NRG1: variants seen among roughly 807,000 people sequenced by gnomAD.
NRG1 encodes neuregulin 1.
A neutral mutation model predicts 63.8 loss-of-function variants in NRG1; 18 were observed. The observed-to-expected ratio is 0.28, with a 90% confidence interval of 0.19 to 0.42. The LOEUF (loss-of-function observed/expected upper bound fraction) is 0.42, where lower values mean the gene tolerates loss of function less well. Among genes scored for constraint, NRG1 ranks in the 10% least tolerant of loss-of-function variants. The pLI, the probability that NRG1 is intolerant of heterozygous loss-of-function variation, is 1.00. For missense variants in NRG1, 762 were observed against 814.7 expected (o/e 0.94, Z 0.79); for synonymous variants, 302 against 301.3 (o/e 1.00, Z -0.02).
At chr8:32,670,235 A>T (rs1044031789) in intron 5 of NRG1, among the ~76,000 whole-genome samples, 5 of 152,168 alleles carry the variant, frequency 3.3e-5, no homozygotes. Flanking sequence ...TTAAGTGCAG[A>T]TGTATTTAGG....
intron 1 of NRG1, among the ~76,000 whole-genome samples, chr8:32,491,682 C>T (rs1162214060): frequency 6.6e-6 from 1 of 152,194 alleles, no homozygotes; most frequent in Non-Finnish European, 1.5e-5. Flanking sequence ...TAGTTGGCTC[C>T]AAGAATGTCT....
intron 1 of NRG1, among the ~76,000 whole-genome samples, chr8:32,201,172 T>C (rs971460137): frequency 6.6e-5 from 10 of 152,220 alleles, no homozygotes; most frequent in African/African-American, 2.2e-4. Flanking sequence ...TTCCAAAATA[T>C]TGTTATAATT....
chr8:32,299,120 T>C (rs999703753), intron 1 of NRG1, among the ~76,000 whole-genome samples: 1 of 152,028 alleles, frequency 6.6e-6, no homozygotes, highest in Non-Finnish European at 1.5e-5. Context: ...CCTTAACATT[T>C]AAACAAGGGA....
At chr8:32,082,200 T>TG (rs1467068828) in intron 1 of NRG1, among the ~76,000 whole-genome samples, 2 of 12,826 alleles carry the variant, frequency 1.6e-4, no homozygotes, top group East Asian at 7.5e-3. Context: ...TTCAACCTAG[T>TG]GGTTTTTTTT....
intron 1 of NRG1, among the ~76,000 whole-genome samples, chr8:32,027,857 T>G (rs1179305046): frequency 6.6e-6 from 1 of 152,148 alleles, no homozygotes; most frequent in Non-Finnish European, 1.5e-5. Context: ...TTCTTGAATC[T>G]TCACTCTCTT....
chr8:31,733,021 T>C (rs553100905), intron 1 of NRG1, among the ~76,000 whole-genome samples: 1 of 152,336 alleles, frequency 6.6e-6, no homozygotes, highest in South Asian at 2.1e-4. Flanking sequence ...TCCATGTGTA[T>C]GCATTATTTA....
At chr8:32,620,398 T>C (rs1289423834) in intron 5 of NRG1, among the ~76,000 whole-genome samples, 7 of 152,030 alleles carry the variant, frequency 4.6e-5, no homozygotes, top group Non-Finnish European at 8.8e-5. Flanking sequence ...TTCTCTGCGA[T>C]TTGGGGGTCA....
intron 1 of NRG1, among the ~76,000 whole-genome samples, chr8:31,951,210 T>C (rs896878517): frequency 3.3e-5 from 5 of 152,220 alleles, no homozygotes; most frequent in East Asian, 1.9e-4. Context: ...GTTTACCTTG[T>C]GCCCTTTATC....
At position 32,257,133 on chromosome 8, in the gene NRG1, C is replaced by G. The variant is rs531816037; in HGVS notation, c.38-338695C>G. On this transcript the variant is annotated intron_variant, in intron 1 of 10. Coordinates refer to the NRG1 transcript ENST00000519301. ...CCTCAGTAATGGTGGACACCCCTCC[C>G]CTAACCAAGCTAGAGTGTCCCAGGT... Among the ~76,000 whole-genome samples, 4 of 152,286 alleles carry G rather than the reference C, an allele frequency of 2.6e-5. No individual in the cohort carries two copies. In the South Asian group the frequency reaches 8.3e-4, roughly 32 times the overall value.
chr8:32,316,994 GA>G, intron 1 of NRG1, among the ~76,000 whole-genome samples: 1 of 152,284 alleles, frequency 6.6e-6, no homozygotes, highest in African/African-American at 2.4e-5. Flanking sequence ...TAAGGTTTGT[GA>G]AAAGCAGGCC....
At chr8:32,170,282 T>A (rs1839892260) in intron 1 of NRG1, among the ~76,000 whole-genome samples, 1 of 152,092 alleles carries the variant, frequency 6.6e-6, no homozygotes, top group Non-Finnish European at 1.5e-5. Flanking sequence ...AGAAACAGGT[T>A]TAGAGGTGGA....
chr8:32,375,653 G>A (rs903670660), intron 1 of NRG1, among the ~76,000 whole-genome samples: 1 of 152,126 alleles, frequency 6.6e-6, no homozygotes, highest in African/African-American at 2.4e-5. Context: ...TGAACATCTG[G>A]AAAAATCTTC....
intron 1 of NRG1, among the ~76,000 whole-genome samples, chr8:31,781,602 CAG>C (rs1819692694): frequency 6.6e-6 from 1 of 152,144 alleles, no homozygotes; most frequent in South Asian, 2.1e-4. Context: ...GTTCCCAAAA[CAG>C]ATGTTCAGAG....
intron 1 of NRG1, chr8:31,639,810 C>T (rs1803554642): frequency 1.6e-6 from 2 of 1,240,894 alleles, no homozygotes; most frequent in Non-Finnish European, 2.0e-6. Flanking sequence ...CTTCTTCCCC[C>T]TCCTCCTCCC....
intron 1 of NRG1, among the ~76,000 whole-genome samples, chr8:32,411,895 T>C (rs955234198): frequency 6.6e-6 from 1 of 152,168 alleles, no homozygotes; most frequent in Non-Finnish European, 1.5e-5. Flanking sequence ...TAAGTTGAAC[T>C]GTCATAAGTT....
chr8:32,117,054 A>T lies in NRG1; in HGVS notation c.37+477623A>T, dbSNP rs552641130. Among the ~76,000 whole-genome samples, 6 of 150,886 alleles carry T rather than the reference A, an allele frequency of 4.0e-5. No homozygotes were observed. In the East Asian group the frequency reaches 1.2e-3, roughly 30 times the overall value. ...CTACTCAGGAGGCTGAAGTGGGAGGATTGCTTGAGCCCAGGAGGTCCAGGT... is the reference window on the plus strand; with the variant it reads ...CTACTCAGGAGGCTGAAGTGGGAGGTTTGCTTGAGCCCAGGAGGTCCAGGT... On this transcript the variant is annotated intron_variant, in intron 1 of 10. Coordinates refer to the NRG1 transcript ENST00000519301.
intron 1 of NRG1, among the ~76,000 whole-genome samples, chr8:31,876,195 A>T (rs778901169): frequency 1.3e-5 from 2 of 152,236 alleles, no homozygotes; most frequent in African/African-American, 2.4e-5. Flanking sequence ...CAACATTTGT[A>T]GTAAAATGAG....
At chr8:32,623,086 G>A (rs571418265) in intron 5 of NRG1, among the ~76,000 whole-genome samples, 3 of 152,312 alleles carry the variant, frequency 2.0e-5, no homozygotes, top group South Asian at 4.1e-4. Flanking sequence ...TGAATGAAAT[G>A]AACAATTCAG....
intron 1 of NRG1, among the ~76,000 whole-genome samples, chr8:32,187,624 G>T (rs753635932): frequency 4.6e-5 from 7 of 152,082 alleles, no homozygotes; most frequent in Non-Finnish European, 1.0e-4. Context: ...ACTTTATGCT[G>T]CACTTAGGCT....
Sources: gnomAD v4.1 joint callset for allele counts (sites outside exome capture counted in the v4.1 genomes callset) on GRCh38, gnomAD v4.1.1 for gene constraint, MANE v1.5 for transcripts, NCBI Gene and HGNC (gene_info 2026-07-23, HGNC 2026-07-21) for gene names.